CDC27: variants seen among roughly 807,000 people sequenced by gnomAD.
CDC27 encodes the protein cell division cycle 27, also known as cell division cycle protein 27 homolog.
A neutral mutation model predicts 109.7 loss-of-function variants in CDC27; 27 were observed. The observed-to-expected ratio is 0.25, with a 90% CI of 0.18 to 0.34. The LOEUF is 0.34. CDC27 is among the 10% of genes least tolerant of loss of function. The pLI is 1.00. For synonymous variants in CDC27, 266 were observed against 333.9 expected (o/e 0.80, Z 2.22); for missense variants, 579 against 960.2 (o/e 0.60, Z 5.25).
At chr17:47,156,452 T>C (rs2063309408) in intron 7 of CDC27, among the ~76,000 whole-genome samples, 1 of 146,756 alleles carries the variant, frequency 6.8e-6, no homozygotes, top group Admixed American at 6.8e-5. Context: ...CAATATTCAA[T>C]ATCAATTTTT....
chr17:47,172,538 G>A (rs943468393), intron 2 of CDC27, among the ~76,000 whole-genome samples: 3 of 151,932 alleles, frequency 2.0e-5, no homozygotes, highest in African/African-American at 7.3e-5. Flanking sequence ...AAATCCACTT[G>A]TTTTGCTTTA....
intron 3 of CDC27, among the ~76,000 whole-genome samples, chr17:47,171,343 T>C (rs2063806479): frequency 6.6e-6 from 1 of 152,226 alleles, no homozygotes. Context: ...CAATTATACA[T>C]ACAGGCTTTT....
intron 8 of CDC27, among the ~76,000 whole-genome samples, chr17:47,153,776 A>G (rs2063217432): frequency 6.6e-6 from 1 of 152,142 alleles, no homozygotes; most frequent in African/African-American, 2.4e-5. Flanking sequence ...ATACCTATAA[A>G]AGGGAACATT....
At chr17:47,122,736 C>T (rs2062015563) in intron 17 of CDC27, 136 bp from the exon 18 acceptor site, 2 of 538,700 alleles carry the variant, frequency 3.7e-6, no homozygotes, top group Non-Finnish European at 5.6e-6. Flanking sequence ...TGCAATGGCA[C>T]GATCTTGGCT....
chr17:47,142,884 C>T (rs1197821855), intron 10 of CDC27, among the ~76,000 whole-genome samples: 1 of 152,150 alleles, frequency 6.6e-6, no homozygotes, highest in Non-Finnish European at 1.5e-5. Flanking sequence ...CCACGTTGGT[C>T]AGGCTGGTCT....
chr17:47,152,331 C>A (rs561026212), intron 8 of CDC27, among the ~76,000 whole-genome samples: 2 of 151,882 alleles, frequency 1.3e-5, no homozygotes, highest in Admixed American at 6.6e-5. Flanking sequence ...AATAATAATA[C>A]GATAAGATTT....
chr17:47,183,733 G>A (rs2064327093), intron 1 of CDC27, among the ~76,000 whole-genome samples: 1 of 152,106 alleles, frequency 6.6e-6, no homozygotes, highest in Non-Finnish European at 1.5e-5. Flanking sequence ...CAAGGTAGGG[G>A]CTACGTCTGT....
intron 4 of CDC27, among the ~76,000 whole-genome samples, chr17:47,168,610 T>A (rs2063719865): frequency 6.6e-6 from 1 of 152,174 alleles, no homozygotes; most frequent in Non-Finnish European, 1.5e-5. Flanking sequence ...GTTTCTTGAC[T>A]AAATGACAAG....
intron 1 of CDC27, among the ~76,000 whole-genome samples, chr17:47,182,323 T>A (rs1178050184): frequency 6.6e-6 from 1 of 152,214 alleles, no homozygotes; most frequent in East Asian, 1.9e-4. Context: ...ACCTAAAGTA[T>A]ATATGAGATA....
chr17:47,129,290 C>A, intron 16 of CDC27, 103 bp downstream of exon 16: 1 of 908,928 alleles, frequency 1.1e-6, no homozygotes, highest in Non-Finnish European at 1.6e-6. Context: ...GGAAAAATGT[C>A]TCAGATCAAA....
chr17:47,125,132 C>T (rs568424556), intron 16 of CDC27, among the ~76,000 whole-genome samples: 1 of 150,648 alleles, frequency 6.6e-6, no homozygotes, highest in African/African-American at 2.4e-5. Flanking sequence ...GTTGCCCAGG[C>T]TGGTCTTGAA....
Position 47,157,232 on chromosome 17 carries a change from T to C in CDC27, c.628A>G (p.Ile210Val), listed in dbSNP as rs76624491. Residue 210 changes from isoleucine to valine, a missense_variant and splice_region_variant, in exon 6 of 19, where the codon ATT becomes GTT. By Grantham distance (29) the Ile-to-Val change is conservative. Around this residue, in one of 9 missense-constraint regions of CDC27, gnomAD observed 57 missense variants for 59.0 expected, o/e 0.97. Transcript: ENST00000066544. ...ACACTAGAATATAAGACACTTACAA[T>C]TGTGTCCTGGGGTGTTTCCGTAAGA... Reference protein sequence around the residue: ...TVLTETPQDTIELNRLNLESS... With the variant: ...TVLTETPQDTVELNRLNLESS... The C allele has an allele frequency of 1.9e-6, 3 of 1,607,784 alleles. No homozygotes were observed. Among genetic ancestry groups the C allele is most frequent in the Non-Finnish European group, 1.7e-6 (2 of 1,177,220 alleles).
In CDC27 at chr17:47,126,542, T is replaced by G. The variant is rs1320050972; in HGVS notation, c.2161-2582A>C. ...AAAACCCCACAAAAATGGCTATCAC[T>G]ATATATATCATAGTCCAGACAACTG... is the stretch of plus-strand genomic sequence containing the variant. On this transcript the variant is annotated intron_variant, in intron 16 of 18. Coordinates refer to ENST00000066544, the MANE Select transcript of CDC27 (RefSeq NM_001256.6). 2.6e-5 allele frequency among the ~76,000 whole-genome samples: 4 copies of G among 152,282 alleles called. No individual in the cohort carries two copies. In the East Asian group the frequency reaches 7.7e-4, roughly 29 times the overall value.
At chr17:47,130,700 C>T (rs954725923) in intron 15 of CDC27, among the ~76,000 whole-genome samples, 1 of 151,500 alleles carries the variant, frequency 6.6e-6, no homozygotes, top group African/African-American at 2.4e-5. Flanking sequence ...CATGATGAAA[C>T]CCCCGTCTCT....
At chr17:47,178,744 A>G (rs1056516735) in intron 2 of CDC27, among the ~76,000 whole-genome samples, 6 of 152,114 alleles carry the variant, frequency 3.9e-5, no homozygotes, top group Admixed American at 2.6e-4. Flanking sequence ...TAAGGCTCAG[A>G]ATGACTTTTG....
At chr17:47,149,580 G>C (rs887742850) in intron 9 of CDC27, among the ~76,000 whole-genome samples, 1 of 151,142 alleles carries the variant, frequency 6.6e-6, no homozygotes. Flanking sequence ...ATATCAGATC[G>C]CAATCTGGAT....
intron 9 of CDC27, among the ~76,000 whole-genome samples, chr17:47,145,748 A>T (rs1418293305): frequency 1.3e-5 from 2 of 151,998 alleles, no homozygotes; most frequent in African/African-American, 4.8e-5. Context: ...TAAAAATACA[A>T]AAATTAGCTG....
At chr17:47,125,822 G>A (rs745821833) in intron 16 of CDC27, among the ~76,000 whole-genome samples, 9 of 152,196 alleles carry the variant, frequency 5.9e-5, no homozygotes, top group East Asian at 1.9e-4. Flanking sequence ...GATTACAGGC[G>A]TGAGCTGCTG....
intron 14 of CDC27, among the ~76,000 whole-genome samples, chr17:47,132,775 TTATTA>T (rs2062390472): frequency 1.5e-5 from 2 of 130,752 alleles, no homozygotes; most frequent in South Asian, 4.8e-4. Flanking sequence ...ATTATTATTA[TTATTA>T]TATTTTAAAG....
Sources: gnomAD v4.1 joint callset for allele counts (sites outside exome capture counted in the v4.1 genomes callset) on GRCh38, gnomAD v4.1.1 for gene constraint, gnomAD v4.1.1 regional missense constraint, MANE v1.5 for transcripts, NCBI Gene and HGNC (gene_info 2026-07-23, HGNC 2026-07-21) for gene names.